WDFY3: variants seen among roughly 807,000 people sequenced by gnomAD.
WDFY3 encodes WD repeat and FYVE domain containing 3.
A neutral mutation model predicts 409.6 loss-of-function variants in WDFY3; 66 were observed. The ratio of observed to expected loss-of-function variants is 0.16; its 90% CI spans 0.13 to 0.20. The LOEUF (loss-of-function observed/expected upper bound fraction) is 0.20. WDFY3 is among the 10% of genes least tolerant of loss of function. The pLI, the probability that WDFY3 is intolerant of heterozygous loss-of-function variation, is 1.00. For synonymous variants in WDFY3, 1,521 were observed against 1,537.1 expected, an observed-to-expected ratio of 0.99 and a Z score of 0.25; for missense variants, 3,031 against 4,298.1, an observed-to-expected ratio of 0.71 and a Z score of 8.24.
chr4:84,880,214 C>A (rs1270948614), intron 3 of WDFY3, among the ~76,000 whole-genome samples: 1 of 152,122 alleles, frequency 6.6e-6, no homozygotes, highest in Non-Finnish European at 1.5e-5. Flanking sequence ...AGGCAAGGAA[C>A]AGATTCTCCC....
At chr4:84,962,707 T>G (rs1775065060) in intron 1 of WDFY3, among the ~76,000 whole-genome samples, 1 of 149,372 alleles carries the variant, frequency 6.7e-6, no homozygotes, top group Non-Finnish European at 1.5e-5. Flanking sequence ...GGAGTCTCAC[T>G]CTGTCACCCA....
chr4:84,944,576 C>A (rs1235728445), intron 1 of WDFY3, among the ~76,000 whole-genome samples: 1 of 151,536 alleles, frequency 6.6e-6, no homozygotes, highest in Non-Finnish European at 1.5e-5. Flanking sequence ...GTAATCCCAG[C>A]ACTTTGTGGG....
Position 84,801,703 on chromosome 4 carries a change from C to T in WDFY3, c.2769G>A (p.Leu923=). 1 of 1,611,950 alleles carries T rather than the reference C, an allele frequency of 6.2e-7. No homozygotes were observed. Among genetic ancestry groups the T allele is most frequent in the African/African-American group, 1.3e-5 (1 of 75,038 alleles). The change falls in exon 17 of 68, where the codon CTG becomes CTA. Residue 923 remains leucine (L), a synonymous_variant. Coordinates refer to ENST00000295888, the MANE Select transcript of WDFY3 (RefSeq NM_014991.6). ...ADEDHSLHPP[L]QRMFERLASQ... is the part of the protein sequence containing the mutation. ...AGGCTAATCGTTCAAACATCCGCTG[C>T]AGGGGCGGGTGCAGTGAGTGGTCCT...
intron 36 of WDFY3, among the ~76,000 whole-genome samples, chr4:84,746,097 C>CAG (rs759558516): frequency 2.9e-4 from 41 of 139,962 alleles, no homozygotes; most frequent in Middle Eastern, 3.9e-3. Flanking sequence ...TACTTGAACG[C>CAG]AGGAGTTCAA....
intron 32 of WDFY3, among the ~76,000 whole-genome samples, chr4:84,765,498 A>T (rs1743473244): frequency 6.6e-6 from 1 of 152,106 alleles, no homozygotes; most frequent in Non-Finnish European, 1.5e-5. Flanking sequence ...AATATTTATT[A>T]TTATTATTAA....
chr4:84,782,848 T>C, intron 25 of WDFY3, 115 bp downstream of exon 25: 2 of 817,968 alleles, frequency 2.4e-6, no homozygotes, highest in Non-Finnish European at 4.1e-6. Flanking sequence ...GCACGTACAC[T>C]ATAGGTCAGT....
chr4:84,762,505 C>T (rs563491261), intron 32 of WDFY3, among the ~76,000 whole-genome samples: 243 of 150,472 alleles, frequency 1.6e-3, no homozygotes, highest in African/African-American at 5.0e-3. Flanking sequence ...GGAGATATAC[C>T]TAATGCTAGA....
At chr4:84,905,110 C>T (rs765602830) in intron 2 of WDFY3, among the ~76,000 whole-genome samples, 2 of 152,138 alleles carry the variant, frequency 1.3e-5, no homozygotes, top group South Asian at 2.1e-4. Context: ...CCAAGGCAGG[C>T]GGATCACTTG....
chr4:84,894,067 T>C (rs916197553), intron 3 of WDFY3, among the ~76,000 whole-genome samples: 1 of 151,870 alleles, frequency 6.6e-6, no homozygotes, highest in African/African-American at 2.4e-5. Flanking sequence ...ATAAGGAATA[T>C]AAACTTAGAA....
rs1320014338 is a variant in WDFY3, at chr4:84,670,767, T to C, written c.*2101A>G. ...AAGTGTAGAATAACACTGCTACAAA[T>C]CATCTAGAGGGCCAGACAGGGGCAA... On this transcript the variant is annotated 3_prime_UTR_variant, in exon 68 of 68. Coordinates refer to ENST00000295888, the MANE Select transcript of WDFY3 (RefSeq NM_014991.6). The C allele has an allele frequency of 3.3e-5, 5 of 152,614 alleles. No individual in the cohort carries two copies. Among genetic ancestry groups the C allele is most frequent in the Middle Eastern group, 3.4e-3 (1 of 294 alleles). 9.5% of individuals were successfully genotyped at this position (152,614 alleles called of 1,614,324 possible). A position where few individuals can be genotyped will look rare whatever the true frequency, so the allele number is the denominator to read the frequency against.
At chr4:84,809,243 A>C (rs988137231) in intron 14 of WDFY3, 11 of 152,264 alleles carry the variant, frequency 7.2e-5, no homozygotes, top group African/African-American at 2.7e-4. Flanking sequence ...GTCACACTAT[A>C]TGTAATTGTT....
At chr4:84,816,589 T>A (rs1051485163) in intron 13 of WDFY3, among the ~76,000 whole-genome samples, 10 of 152,166 alleles carry the variant, frequency 6.6e-5, no homozygotes, top group African/African-American at 2.2e-4. Context: ...TGGAAATTTT[T>A]AAAATATATC....
Position 84,672,553 on chromosome 4 carries a change from A to G in WDFY3, c.*315T>C, listed in dbSNP as rs1304355351. 5.3e-6 allele frequency: 1 copy of G among 188,968 alleles called. No homozygotes were observed. Among genetic ancestry groups the G allele is most frequent in the Non-Finnish European group, 1.1e-5 (1 of 92,566 alleles). 11.7% of individuals were successfully genotyped at this position (188,968 alleles called of 1,614,324 possible). ...GGATGAGTAGCTCTATAAAAATGAG[A>G]TGCAAGAAAAGAGAGTTAATAAGTG... On this transcript the variant is annotated 3_prime_UTR_variant, in exon 68 of 68. Transcript: ENST00000295888.
At chr4:84,793,283 C>T (rs1025514156) in intron 21 of WDFY3, among the ~76,000 whole-genome samples, 5 of 152,190 alleles carry the variant, frequency 3.3e-5, no homozygotes, top group Non-Finnish European at 5.9e-5. Flanking sequence ...ACCAATCCTA[C>T]ACCACCTCAG....
At chr4:84,759,478 C>A (rs561486913) in intron 32 of WDFY3, among the ~76,000 whole-genome samples, 12 of 151,230 alleles carry the variant, frequency 7.9e-5, no homozygotes, top group Non-Finnish European at 1.2e-4. Flanking sequence ...CTTTTATTTC[C>A]TTGAGCAGTG....
At chr4:84,769,944 C>A (rs1310915967) in intron 30 of WDFY3, among the ~76,000 whole-genome samples, 1 of 152,106 alleles carries the variant, frequency 6.6e-6, no homozygotes, top group Non-Finnish European at 1.5e-5. Context: ...CAGAAAACAC[C>A]CTCCACCAGA....
intron 56 of WDFY3, among the ~76,000 whole-genome samples, chr4:84,700,092 T>C (rs2148919395): frequency 6.6e-6 from 1 of 152,348 alleles, no homozygotes; most frequent in East Asian, 1.9e-4. Flanking sequence ...TTGTTGCTTG[T>C]AATTTTGATA....
At chr4:84,899,354 C>T (rs984167069) in intron 2 of WDFY3, among the ~76,000 whole-genome samples, 2 of 152,166 alleles carry the variant, frequency 1.3e-5, no homozygotes, top group Admixed American at 6.5e-5. Context: ...GGTGAGCTTG[C>T]TGCGTGAACT....
At position 84,791,814 on chromosome 4, in the gene WDFY3, C is replaced by T. The variant is rs576697303; in HGVS notation, c.3488-1907G>A. The stretch of plus-strand genomic sequence containing the variant: ...TATATTCTGATTTGCTACCATTCTA[C>T]AATTACTTCCTGACTCCAATCTGGC... On this transcript the variant is annotated intron_variant, in intron 21 of 67. Transcript: ENST00000295888. 4.6e-5 allele frequency among the ~76,000 whole-genome samples: 7 copies of T among 152,340 alleles called. No homozygotes were observed. The South Asian group carries it at 8.3e-4, about 18-fold the overall frequency.
Sources: allele counts gnomAD v4.1 joint callset (sites outside exome capture counted in the v4.1 genomes callset), GRCh38; gene constraint gnomAD v4.1.1; transcripts MANE v1.5; gene names NCBI Gene and HGNC (gene_info 2026-07-23, HGNC 2026-07-21).